The following SLC25A21 variants were observed in gnomAD, a reference collection of about 807,000 sequenced individuals.
SLC25A21 encodes the protein mitochondrial 2-oxodicarboxylate carrier.
SLC25A21 carries 47 observed loss-of-function variants against 43.8 expected under a neutral mutation model. The ratio of observed to expected loss-of-function variants is 1.07; its 90% CI spans 0.85 to 1.37. The LOEUF (loss-of-function observed/expected upper bound fraction) is 1.37, where lower values mean the gene tolerates loss of function less well. SLC25A21 is among the 40% of genes most tolerant of loss of function. SLC25A21 has a pLI of 0.00. For missense variants in SLC25A21, 352 were observed against 350.2 expected, an observed-to-expected ratio of 1.00 and a Z score of -0.04; for synonymous variants, 131 against 121.3, an observed-to-expected ratio of 1.08 and a Z score of -0.52.
intron 3 of SLC25A21, among the ~76,000 whole-genome samples, chr14:36,798,919 A>G (rs1463571709): frequency 1.3e-5 from 2 of 148,962 alleles, no homozygotes; most frequent in Admixed American, 1.3e-4. Flanking sequence ...AGAGAGAGAC[A>G]GAGAGAGAGA....
At chr14:37,027,112 C>T (rs1188987800) in intron 1 of SLC25A21, among the ~76,000 whole-genome samples, 1 of 152,134 alleles carries the variant, frequency 6.6e-6, no homozygotes, top group Non-Finnish European at 1.5e-5. Context: ...TATTGAATTA[C>T]AAGAACCAGG....
At chr14:36,935,266 T>A (rs1427777701) in intron 1 of SLC25A21, among the ~76,000 whole-genome samples, 2 of 152,134 alleles carry the variant, frequency 1.3e-5, no homozygotes, top group African/African-American at 4.8e-5. Context: ...TCACTGAATT[T>A]TTTTATCACC....
intron 1 of SLC25A21, among the ~76,000 whole-genome samples, chr14:37,080,036 A>G (rs933731275): frequency 2.0e-5 from 3 of 152,166 alleles, no homozygotes; most frequent in African/African-American, 4.8e-5. Flanking sequence ...GAAGGTCCAT[A>G]CCAGACACCA....
intron 1 of SLC25A21, among the ~76,000 whole-genome samples, chr14:37,053,164 T>C (rs1961747871): frequency 6.6e-6 from 1 of 152,164 alleles, no homozygotes; most frequent in African/African-American, 2.4e-5. Context: ...TCAATAGCAA[T>C]GTTTTATATC....
chr14:37,160,253 G>A (rs1020757775), intron 1 of SLC25A21, among the ~76,000 whole-genome samples: 12 of 152,204 alleles, frequency 7.9e-5, no homozygotes. Flanking sequence ...ATATCAAAGT[G>A]ATAGCTGCAC....
At chr14:36,952,807 G>A (rs768321985) in intron 1 of SLC25A21, among the ~76,000 whole-genome samples, 2 of 152,166 alleles carry the variant, frequency 1.3e-5, no homozygotes, top group Non-Finnish European at 2.9e-5. Flanking sequence ...GTGGCCTTGG[G>A]CAAAAAGACT....
intron 3 of SLC25A21, among the ~76,000 whole-genome samples, chr14:36,778,854 C>G (rs1369636919): frequency 6.6e-6 from 1 of 152,112 alleles, no homozygotes; most frequent in Non-Finnish European, 1.5e-5. Context: ...AAGATCTAAT[C>G]TCTTAGCAAA....
chr14:36,680,389 AATAT>A lies in SLC25A21; in HGVS notation c.*265_*268del. 9.3e-7 allele frequency: 1 copy of A among 1,073,830 alleles called. No homozygotes were observed. The highest frequency in any genetic ancestry group is 1.1e-6 in the Non-Finnish European group (1 of 881,986). 66.5% of individuals were successfully genotyped at this position (1,073,830 alleles called of 1,614,324 possible). ...AAGTTTCTATTTATTTTATGAAATA[AATAT>A]ATGATTTCTATGCTATTTTTCTATA... On this transcript the variant is annotated 3_prime_UTR_variant, in exon 10 of 10. Transcript: ENST00000331299.
At chr14:36,865,608 A>G (rs939231404) in intron 2 of SLC25A21, among the ~76,000 whole-genome samples, 7 of 152,202 alleles carry the variant, frequency 4.6e-5, no homozygotes, top group African/African-American at 1.7e-4. Flanking sequence ...GAAAAAAAAA[A>G]AGGAATTATT....
chr14:37,079,475 TTA>T (rs1281618942), intron 1 of SLC25A21, among the ~76,000 whole-genome samples: 2 of 152,046 alleles, frequency 1.3e-5, no homozygotes, highest in African/African-American at 4.8e-5. Context: ...TGCCTCCTCA[TTA>T]TCACTTTAAC....
intron 1 of SLC25A21, among the ~76,000 whole-genome samples, chr14:37,146,983 A>C (rs1482587468): frequency 6.6e-6 from 1 of 152,020 alleles, no homozygotes; most frequent in Non-Finnish European, 1.5e-5. Context: ...CTAATTCCCA[A>C]CTCTGGTTTG....
In SLC25A21 at chr14:36,688,978, G is replaced by A. The variant is rs144239128; in HGVS notation, c.604-4053C>T. Among the ~76,000 whole-genome samples, 274 of 152,292 alleles carry A rather than the reference G, an allele frequency of 1.8e-3. 1 individual carries two copies. The highest frequency in any genetic ancestry group is 6.4e-3 in the African/African-American group (265 of 41,562). On this transcript the variant is annotated intron_variant, in intron 7 of 9. Coordinates refer to ENST00000331299, the MANE Select transcript of SLC25A21 (RefSeq NM_030631.4). ...AGTTAGTGGGTGGGTTGGTGAGGGA[G>A]GTGTCTAAGAACCTTCTGAAATTCG...
At chr14:36,903,477 G>C (rs1035110811) in intron 1 of SLC25A21, among the ~76,000 whole-genome samples, 5 of 151,880 alleles carry the variant, frequency 3.3e-5, no homozygotes, top group Non-Finnish European at 2.9e-5. Context: ...GCCAGGCCTG[G>C]TGGTGCATAC....
At chr14:36,726,856 G>A (rs1360567932) in intron 5 of SLC25A21, among the ~76,000 whole-genome samples, 1 of 152,146 alleles carries the variant, frequency 6.6e-6, no homozygotes, top group African/African-American at 2.4e-5. Context: ...GTAAATAACA[G>A]GTAACTCTTG....
At chr14:36,709,039 G>A (rs1211293007) in intron 7 of SLC25A21, among the ~76,000 whole-genome samples, 15 of 149,808 alleles carry the variant, frequency 1.0e-4, no homozygotes, top group South Asian at 2.1e-4. Flanking sequence ...ATGGAGGCTC[G>A]CTCTGTTGCC....
At chr14:37,155,242 G>T (rs888780581) in intron 1 of SLC25A21, among the ~76,000 whole-genome samples, 11 of 152,058 alleles carry the variant, frequency 7.2e-5, no homozygotes, top group Non-Finnish European at 1.0e-4. Context: ...GCTAATTTTT[G>T]TATTTTTGAA....
intron 2 of SLC25A21, among the ~76,000 whole-genome samples, chr14:36,822,885 AT>A (rs1487203060): frequency 6.6e-6 from 1 of 152,222 alleles, no homozygotes; most frequent in Non-Finnish European, 1.5e-5. Context: ...TAAATATCCT[AT>A]AAATAGTTCA....
At chr14:37,155,502 A>G (rs1388745440) in intron 1 of SLC25A21, among the ~76,000 whole-genome samples, 1 of 152,208 alleles carries the variant, frequency 6.6e-6, no homozygotes, top group Non-Finnish European at 1.5e-5. Context: ...AGACTGTCTA[A>G]AGTCAAAGAT....
chr14:37,055,635 T>C (rs1429846476), intron 1 of SLC25A21, among the ~76,000 whole-genome samples: 2 of 152,036 alleles, frequency 1.3e-5, no homozygotes, highest in Non-Finnish European at 2.9e-5. Context: ...AGAGGGAAGG[T>C]GTAGCCTCTC....
Sources: gnomAD v4.1 joint callset for allele counts (sites outside exome capture counted in the v4.1 genomes callset) on GRCh38, gnomAD v4.1.1 for gene constraint, MANE v1.5 for transcripts, NCBI Gene and HGNC (gene_info 2026-07-23, HGNC 2026-07-21) for gene names.